Variants in ELMOD1 observed in about 807,000 individuals in gnomAD.
ELMOD1 encodes ELMO domain-containing protein 1.
In ELMOD1, 21 loss-of-function variants were observed where a neutral mutation model predicts 46.7. The ratio of observed to expected loss-of-function variants is 0.45; its 90% confidence interval spans 0.32 to 0.65. ELMOD1 has a LOEUF of 0.65. Ranked by LOEUF, ELMOD1 falls within the 30% of genes least tolerant of loss-of-function variation. The pLI is 0.04. For synonymous variants in ELMOD1, 122 were observed against 138.2 expected, an observed-to-expected ratio of 0.88 and a Z score of 0.82; for missense variants, 348 against 407.8, an observed-to-expected ratio of 0.85 and a Z score of 1.26.
At chr11:107,609,495 C>G (rs1331312433) in intron 1 of ELMOD1, among the ~76,000 whole-genome samples, 1 of 152,092 alleles carries the variant, frequency 6.6e-6, no homozygotes, top group African/African-American at 2.4e-5. Flanking sequence ...GAGTTCCGTC[C>G]CTTCTAGTTG....
At chr11:107,592,978 A>C (rs1865429709) in intron 1 of ELMOD1, 1 of 152,550 alleles carries the variant, frequency 6.6e-6, no homozygotes, top group Non-Finnish European at 1.5e-5. Flanking sequence ...TGTGGAACAA[A>C]ATTTTAAGCC....
chr11:107,659,096 G>A (rs893957303), intron 11 of ELMOD1, among the ~76,000 whole-genome samples: 1 of 152,186 alleles, frequency 6.6e-6, no homozygotes, highest in Non-Finnish European at 1.5e-5. Context: ...AGGCCATAAA[G>A]CAAAAGAGTA....
intron 10 of ELMOD1, among the ~76,000 whole-genome samples, chr11:107,654,748 G>T (rs1268309402): frequency 7.6e-6 from 1 of 130,954 alleles, no homozygotes; most frequent in South Asian, 2.4e-4. Context: ...CAGCCTGGGC[G>T]ACAAAGCGAG....
Position 107,656,164 on chromosome 11 carries a change from G to T in ELMOD1, c.832+98G>T, listed in dbSNP as rs1866628033. 3 of 1,315,030 alleles carry T rather than the reference G, an allele frequency of 2.3e-6. No homozygotes were observed. In the African/African-American group the frequency reaches 4.4e-5, roughly 19 times the overall value. The allele number at this position is 1,315,030 out of a possible 1,614,324, so 81.5% of individuals were successfully genotyped here. On this transcript the variant is annotated intron_variant, in intron 11 of 11. Transcript: ENST00000265840. Reference sequence around the variant, plus strand: ...GCACTTTGGGAGGCCAAGGCGAGTGGATTGCCTGAGCTCAGGAGTTCAAGA... The same window carrying T: ...GCACTTTGGGAGGCCAAGGCGAGTGTATTGCCTGAGCTCAGGAGTTCAAGA...
chr11:107,615,562 C>T (rs1865848354), intron 1 of ELMOD1, among the ~76,000 whole-genome samples: 1 of 152,144 alleles, frequency 6.6e-6, no homozygotes. Context: ...TAATATTATA[C>T]ATTTGTCACA....
At chr11:107,628,237 G>C (rs944635038) in intron 2 of ELMOD1, among the ~76,000 whole-genome samples, 1 of 152,028 alleles carries the variant, frequency 6.6e-6, no homozygotes, top group African/African-American at 2.4e-5. Context: ...TATGATCTCG[G>C]CTCACTGCAA....
chr11:107,626,945 G>A (rs959782758), intron 2 of ELMOD1, among the ~76,000 whole-genome samples: 2 of 152,112 alleles, frequency 1.3e-5, no homozygotes, highest in Non-Finnish European at 2.9e-5. Context: ...TGAGGAGTTG[G>A]TCCTTTTATA....
At chr11:107,646,072 T>C (rs541702124) in intron 6 of ELMOD1, among the ~76,000 whole-genome samples, 1 of 152,292 alleles carries the variant, frequency 6.6e-6, no homozygotes, top group South Asian at 2.1e-4. Context: ...ACCCTGTCGG[T>C]AATGAAGATA....
At chr11:107,661,214 C>G (rs1286946908) in intron 11 of ELMOD1, among the ~76,000 whole-genome samples, 1 of 152,166 alleles carries the variant, frequency 6.6e-6, no homozygotes, top group African/African-American at 2.4e-5. Context: ...GCCAGCCCCT[C>G]CTCTACCCTT....
chr11:107,641,575 A>G (rs1046772238), intron 6 of ELMOD1, among the ~76,000 whole-genome samples: 2 of 152,176 alleles, frequency 1.3e-5, no homozygotes, highest in African/African-American at 2.4e-5. Context: ...GAGTTAAGGG[A>G]AATGAGAAAA....
rs777694719 is a variant in ELMOD1, at chr11:107,665,100, G to A, written c.908G>A (p.Arg303Lys). The change falls in exon 12 of 12, where the codon AGG becomes AAG. Residue 303 changes from arginine to lysine, a missense_variant. Coordinates refer to ENST00000265840, the MANE Select transcript of ELMOD1 (RefSeq NM_018712.4). ...GACATAATGGAATTTAATCGTGTGA[G>A]GGAGAAATTCCGCAAGAGGATCATC... ...PMDIMEFNRV[R>K]EKFRKRIIKQ... The A allele has an allele frequency of 6.2e-7, 1 of 1,613,898 alleles. No individual in the cohort carries two copies. The highest frequency in any genetic ancestry group is 8.5e-7 in the Non-Finnish European group (1 of 1,179,836).
At chr11:107,640,123 C>T (rs1017356955) in intron 6 of ELMOD1, among the ~76,000 whole-genome samples, 3 of 152,124 alleles carry the variant, frequency 2.0e-5, no homozygotes, top group Non-Finnish European at 4.4e-5. Context: ...CCAGCCTCAG[C>T]CTCCTGAGTA....
At chr11:107,623,868 A>G (rs931885206) in intron 2 of ELMOD1, 7 of 152,110 alleles carry the variant, frequency 4.6e-5, no homozygotes, top group African/African-American at 1.7e-4. Flanking sequence ...GGTCAGTCTT[A>G]TTTTGTATTT....
chr11:107,646,943 AATCTATCTATCTATCTATCT>A (rs10536920), intron 6 of ELMOD1, among the ~76,000 whole-genome samples: 4 of 147,966 alleles, frequency 2.7e-5, no homozygotes, highest in East Asian at 4.0e-4. Context: ...TTATCTATCT[AATCTATCTATCTATCTATCT>A]ATCTATCTAT....
chr11:107,665,970 TAAATAAATAAATAAATAAATAAA>T lies in ELMOD1; in HGVS notation c.*774_*796del, dbSNP rs1866837272. On this transcript the variant is annotated 3_prime_UTR_variant, in exon 12 of 12. Coordinates refer to ENST00000265840, the MANE Select transcript of ELMOD1 (RefSeq NM_018712.4). ...AGCAAGACTCCATCTCAAAAATAAA[TAAATAAATAAATAAATAAATAAA>T]TAAATAAATAAATAAATAAATAAAA... The T allele has an allele frequency of 8.6e-6, 1 of 116,284 alleles. No individual in the cohort carries two copies. The highest frequency in any genetic ancestry group is 1.8e-5 in the Non-Finnish European group (1 of 56,924). The allele number at this position is 116,284 out of a possible 1,614,324, so 7.2% of individuals were successfully genotyped here.
At chr11:107,657,078 A>G (rs973626362) in intron 11 of ELMOD1, among the ~76,000 whole-genome samples, 11 of 152,192 alleles carry the variant, frequency 7.2e-5, no homozygotes, top group Non-Finnish European at 1.5e-4. Context: ...AAGCACCTAC[A>G]TAATAGATTA....
rs73557730 is a variant in ELMOD1, at chr11:107,603,209, G to A, written c.-86+11800G>A. Among the ~76,000 whole-genome samples, 757 of 152,312 alleles carry A rather than the reference G, an allele frequency of 5.0e-3. 6 individuals are homozygous for A. Among genetic ancestry groups the A allele is most frequent in the African/African-American group, 0.018 (735 of 41,546 alleles). ...GGGGTTATGCCTAATTTCAAAAGAT[G>A]GAGAAGGAGACATAGGTCCTAACTA... is the stretch of plus-strand genomic sequence containing the variant. On this transcript the variant is annotated intron_variant, in intron 1 of 11. Coordinates refer to ENST00000265840, the MANE Select transcript of ELMOD1 (RefSeq NM_018712.4).
chr11:107,648,120 C>T (rs1472613183), intron 7 of ELMOD1, among the ~76,000 whole-genome samples: 6 of 152,136 alleles, frequency 3.9e-5, no homozygotes, highest in Non-Finnish European at 2.9e-5. Context: ...TTATCCAGTC[C>T]ATATTCAAAT....
At chr11:107,593,571 C>T (rs1265426030) in intron 1 of ELMOD1, among the ~76,000 whole-genome samples, 1 of 152,148 alleles carries the variant, frequency 6.6e-6, no homozygotes, top group Non-Finnish European at 1.5e-5. Context: ...GCATACAAAT[C>T]CCCAGGTGCA....
Sources: gnomAD v4.1 joint callset for allele counts (sites outside exome capture counted in the v4.1 genomes callset) on GRCh38, gnomAD v4.1.1 for gene constraint, MANE v1.5 for transcripts, NCBI Gene and HGNC (gene_info 2026-07-23, HGNC 2026-07-21) for gene names.